The following GRM3 variants were observed in gnomAD, a reference collection of about 807,000 sequenced individuals.
GRM3 encodes metabotropic glutamate receptor 3.
In GRM3, 26 loss-of-function variants were observed where a neutral mutation model predicts 70.5. That is an observed-to-expected ratio of 0.37 (90% confidence interval 0.27 to 0.51). The LOEUF is 0.51. Ranked by LOEUF, GRM3 falls within the 20% of genes least tolerant of loss-of-function variation. The probability of loss-of-function intolerance (pLI) is 0.93; values close to 1 mark genes in which losing one functional copy is unlikely to be tolerated. For synonymous variants in GRM3, 443 were observed against 434.9 expected (o/e 1.02, Z -0.23); for missense variants, 859 against 1,123.8 (o/e 0.76, Z 3.37).
intron 1 of GRM3, among the ~76,000 whole-genome samples, chr7:86,729,957 A>G (rs1170696075): frequency 1.3e-5 from 2 of 151,746 alleles, no homozygotes; most frequent in African/African-American, 2.4e-5. Flanking sequence ...ATTACAAAAA[A>G]TTAGCCGGGC....
At chr7:86,732,970 C>T (rs964016629) in intron 1 of GRM3, among the ~76,000 whole-genome samples, 6 of 151,898 alleles carry the variant, frequency 4.0e-5, no homozygotes, top group East Asian at 1.9e-4. Flanking sequence ...GGCAGAAAAG[C>T]GCTATATATA....
intron 1 of GRM3, among the ~76,000 whole-genome samples, chr7:86,675,904 TC>T (rs1794293416): frequency 6.6e-6 from 1 of 152,046 alleles, no homozygotes. Context: ...ATTTAAGTTC[TC>T]AATAACTTTA....
intron 1 of GRM3, among the ~76,000 whole-genome samples, chr7:86,715,167 G>A (rs1005526382): frequency 6.6e-6 from 1 of 152,006 alleles, no homozygotes; most frequent in Non-Finnish European, 1.5e-5. Flanking sequence ...TTAGGAAATG[G>A]AGTGGGTCAC....
intron 2 of GRM3, among the ~76,000 whole-genome samples, chr7:86,780,038 A>G (rs1445034358): frequency 2.0e-5 from 3 of 152,182 alleles, no homozygotes; most frequent in Non-Finnish European, 1.5e-5. Context: ...CCAAGTCCCT[A>G]CAAAGGACAT....
chr7:86,785,140 G>A lies in GRM3; in HGVS notation c.469-1121G>A, dbSNP rs113634836. Among the ~76,000 whole-genome samples, 25 of 152,322 alleles carry A rather than the reference G, an allele frequency of 1.6e-4. 1 individual carries two copies. The highest frequency in any genetic ancestry group is 5.5e-4 in the African/African-American group (23 of 41,572). ...ACTAATATTCATGCCAATGTAGACAGAGCATACTGTAATAGTCAATGTCAT... is the reference window on the plus strand; with the variant it reads ...ACTAATATTCATGCCAATGTAGACAAAGCATACTGTAATAGTCAATGTCAT... On this transcript the variant is annotated intron_variant, in intron 2 of 5. Coordinates refer to ENST00000361669, the MANE Select transcript of GRM3 (RefSeq NM_000840.3).
intron 1 of GRM3, among the ~76,000 whole-genome samples, chr7:86,681,201 A>G (rs1794432555): frequency 6.6e-6 from 1 of 152,160 alleles, no homozygotes; most frequent in Admixed American, 6.6e-5. Flanking sequence ...GAAATAGGAA[A>G]AAATGTCTTC....
At chr7:86,721,927 G>A (rs1376793717) in intron 1 of GRM3, among the ~76,000 whole-genome samples, 1 of 152,128 alleles carries the variant, frequency 6.6e-6, no homozygotes, top group Non-Finnish European at 1.5e-5. Flanking sequence ...AAGATACCAG[G>A]AGAAACATTG....
At chr7:86,713,762 T>C (rs1795252068) in intron 1 of GRM3, among the ~76,000 whole-genome samples, 2 of 152,054 alleles carry the variant, frequency 1.3e-5, no homozygotes, top group Non-Finnish European at 2.9e-5. Context: ...AGTAGTTCTA[T>C]GTACATAGAA....
intron 1 of GRM3, among the ~76,000 whole-genome samples, chr7:86,709,764 A>G (rs538593629): frequency 1.8e-3 from 274 of 152,270 alleles, no homozygotes; most frequent in African/African-American, 6.1e-3. Context: ...TGAAATTTAT[A>G]AAATTAGGAT....
chr7:86,823,582 A>AT (rs35792615), intron 3 of GRM3, among the ~76,000 whole-genome samples: 3,323 of 43,176 alleles, frequency 0.077, 148 homozygotes, highest in Middle Eastern at 0.12. Context: ...TGTGTGAGGT[A>AT]TTTTTTTTTT....
At chr7:86,747,285 A>C (rs1490514303) in intron 1 of GRM3, among the ~76,000 whole-genome samples, 1 of 152,088 alleles carries the variant, frequency 6.6e-6, no homozygotes, top group Non-Finnish European at 1.5e-5. Context: ...CCTCACTAAC[A>C]TGTATCAAAA....
At chr7:86,670,523 A>G (rs760740072) in intron 1 of GRM3, among the ~76,000 whole-genome samples, 2 of 152,180 alleles carry the variant, frequency 1.3e-5, no homozygotes, top group Non-Finnish European at 1.5e-5. Flanking sequence ...CACAAATCCA[A>G]TTGGTTCCAT....
chr7:86,831,514 G>A (rs17161024), intron 3 of GRM3, among the ~76,000 whole-genome samples: 17,853 of 151,998 alleles, frequency 0.12, 1,149 homozygotes, highest in African/African-American at 0.15. Flanking sequence ...TGGACTTTCA[G>A]CTCAAATAAA....
chr7:86,789,640 AGTCT>A (rs1362901611), intron 3 of GRM3, among the ~76,000 whole-genome samples: 33 of 152,220 alleles, frequency 2.2e-4, no homozygotes, highest in African/African-American at 8.0e-4. Flanking sequence ...GACACTAAAC[AGTCT>A]GTTCAATTAG....
chr7:86,816,498 A>G (rs562700424), intron 3 of GRM3, among the ~76,000 whole-genome samples: 2 of 151,838 alleles, frequency 1.3e-5, no homozygotes, highest in South Asian at 2.1e-4. Context: ...TTTGTGTTCT[A>G]TATGTACTCA....
At chr7:86,801,338 G>C (rs919836452) in intron 3 of GRM3, among the ~76,000 whole-genome samples, 11 of 151,980 alleles carry the variant, frequency 7.2e-5, no homozygotes, top group Non-Finnish European at 1.3e-4. Flanking sequence ...CAAAGTGCTG[G>C]GATTACAGGC....
intron 5 of GRM3, among the ~76,000 whole-genome samples, chr7:86,855,170 G>A (rs1281705323): frequency 1.3e-5 from 2 of 152,184 alleles, no homozygotes; most frequent in African/African-American, 4.8e-5. Flanking sequence ...GATTCCCAGA[G>A]TTGGTTCCTA....
At chr7:86,778,101 A>G (rs982273194) in intron 2 of GRM3, among the ~76,000 whole-genome samples, 1 of 152,224 alleles carries the variant, frequency 6.6e-6, no homozygotes, top group African/African-American at 2.4e-5. Context: ...AACAGCCCCA[A>G]AAAGATAGGT....
chr7:86,773,706 A>C (rs540405875), intron 2 of GRM3, among the ~76,000 whole-genome samples: 4 of 152,138 alleles, frequency 2.6e-5, no homozygotes, highest in African/African-American at 9.6e-5. Flanking sequence ...CCATTCAAGG[A>C]CTTCATCACA....
Sources: allele counts gnomAD v4.1 joint callset (sites outside exome capture counted in the v4.1 genomes callset), GRCh38; gene constraint gnomAD v4.1.1; transcripts MANE v1.5; gene names NCBI Gene and HGNC (gene_info 2026-07-23, HGNC 2026-07-21).